Variants in DCAF8L2 observed in about 807,000 individuals in gnomAD.
DCAF8L2 encodes the protein DDB1- and CUL4-associated factor 8-like protein 2.
For synonymous variants in DCAF8L2, 200 were observed against 190.9 expected (o/e 1.05, Z -0.39); for missense variants, 430 against 490.7 (o/e 0.88, Z 1.17).
At chrX:27,731,370 C>T (rs1354512487) in intron 4 of DCAF8L2, among the ~76,000 whole-genome samples, 1 of 111,178 alleles carries the variant, frequency 9.0e-6, no homozygotes, top group Non-Finnish European at 1.9e-5. Context: ...CACTGCATTC[C>T]AACCTGGGCG....
At chrX:27,514,309 G>GTACCTATATGTGTGCATATGTGCACATA in the DCAF8L2 span, among the ~76,000 whole-genome samples, 1 of 95,848 alleles carries the variant, frequency 1.0e-5, no homozygotes, top group African/African-American at 3.7e-5. Context: ...GTGCACATAT[G>GTACCTATATGTGTGCATATGTGCACATA]TGTATATGGT....
chrX:27,535,524 C>G, the DCAF8L2 span, among the ~76,000 whole-genome samples: 1 of 111,690 alleles, frequency 9.0e-6, no homozygotes, highest in Non-Finnish European at 1.9e-5. Flanking sequence ...AGGAAAACCT[C>G]TAACACCTTG....
At chrX:27,653,761 C>CAA (rs1555924515) in intron 2 of DCAF8L2, among the ~76,000 whole-genome samples, 1,167 of 107,170 alleles carry the variant, frequency 0.011, 6 homozygotes, top group Non-Finnish European at 0.018. Flanking sequence ...CACACACACA[C>CAA]AACATATATT....
At chrX:27,537,254 A>T in the DCAF8L2 span, among the ~76,000 whole-genome samples, 1 of 112,329 alleles carries the variant, frequency 8.9e-6, no homozygotes, top group Non-Finnish European at 1.9e-5. Flanking sequence ...TAAAGAATAA[A>T]GTCTTCACTT....
chrX:27,519,263 A>G, the DCAF8L2 span: 4 of 992,545 alleles, frequency 4.0e-6, no homozygotes, highest in East Asian at 1.2e-4. Context: ...GAACAGACTC[A>G]AAAAGCTCTA....
the DCAF8L2 span, among the ~76,000 whole-genome samples, chrX:27,471,194 T>A: frequency 1.8e-5 from 2 of 112,216 alleles, no homozygotes; most frequent in Non-Finnish European, 3.8e-5. Context: ...TCATGTCTGA[T>A]ATAGTAAAAC....
the DCAF8L2 span, among the ~76,000 whole-genome samples, chrX:27,533,164 G>GAGGAAGAA: frequency 1.6e-3 from 27 of 17,353 alleles, no homozygotes; most frequent in Non-Finnish European, 3.1e-3. Context: ...GAGAGAGAGA[G>GAGGAAGAA]AGAAAGAAAG....
the DCAF8L2 span, among the ~76,000 whole-genome samples, chrX:27,499,413 C>G: frequency 8.9e-6 from 1 of 111,865 alleles, no homozygotes; most frequent in Admixed American, 9.5e-5. Flanking sequence ...CTTTTAAAGT[C>G]AGGTTATTTA....
At chrX:27,477,049 T>G in the DCAF8L2 span, among the ~76,000 whole-genome samples, 3 of 112,191 alleles carry the variant, frequency 2.7e-5, no homozygotes, top group Non-Finnish European at 5.6e-5. Context: ...TCATTACTTT[T>G]CAATTCCTAG....
intron 2 of DCAF8L2, among the ~76,000 whole-genome samples, chrX:27,647,123 A>G (rs779814368): frequency 8.9e-6 from 1 of 112,141 alleles, no homozygotes; most frequent in South Asian, 3.7e-4. Flanking sequence ...TGTTCATTGC[A>G]GCAGCATTCA....
At chrX:27,643,708 T>A (rs1033642685) in intron 2 of DCAF8L2, among the ~76,000 whole-genome samples, 3 of 111,899 alleles carry the variant, frequency 2.7e-5, no homozygotes, top group Non-Finnish European at 5.6e-5. Context: ...GTTGTGACTT[T>A]CCACACGGTT....
At chrX:27,615,741 C>T (rs1733580923) in intron 1 of DCAF8L2, among the ~76,000 whole-genome samples, 1 of 111,112 alleles carries the variant, frequency 9.0e-6, no homozygotes, top group Non-Finnish European at 1.9e-5. Context: ...ATCAGTGAAA[C>T]ATAGATCAGA....
chrX:27,668,751 G>A (rs12557919), intron 2 of DCAF8L2, among the ~76,000 whole-genome samples: 37,071 of 110,127 alleles, frequency 0.34, 4,991 homozygotes, highest in Middle Eastern at 0.47. Flanking sequence ...TCGGGAGTTC[G>A]AGACCAGCCT....
chrX:27,540,092 C>A, the DCAF8L2 span, among the ~76,000 whole-genome samples: 1 of 111,184 alleles, frequency 9.0e-6, no homozygotes, highest in African/African-American at 3.3e-5. Context: ...GATACCAGAA[C>A]TGACACTGAC....
In DCAF8L2 at chrX:27,749,828, TTCTC is replaced by T. The variant is rs1256962594; in HGVS notation, c.*1041_*1044del. On this transcript the variant is annotated 3_prime_UTR_variant, in exon 5 of 5. Transcript: ENST00000451261. ...TTTGACATCCTCACATTGCTTAAAATTCTCTCTGCTGTTTAAATTGCTTTAAAAA... is the reference window on the plus strand; with the variant it reads ...TTTGACATCCTCACATTGCTTAAAATTCTGCTGTTTAAATTGCTTTAAAAA... 8.9e-6 allele frequency among the ~76,000 whole-genome samples: 1 copy of T among 112,689 alleles called. No homozygotes were observed. Among genetic ancestry groups the T allele is most frequent in the Non-Finnish European group, 1.9e-5 (1 of 53,366 alleles).
the DCAF8L2 span, among the ~76,000 whole-genome samples, chrX:27,514,694 A>C: frequency 1.3e-5 from 1 of 75,925 alleles, no homozygotes; most frequent in African/African-American, 7.5e-5. Flanking sequence ...AAAAAAAAAA[A>C]ACAAAAAAAA....
intron 1 of DCAF8L2, among the ~76,000 whole-genome samples, chrX:27,595,327 A>C (rs1468655066): frequency 9.0e-6 from 1 of 111,538 alleles, no homozygotes; most frequent in East Asian, 2.8e-4. Flanking sequence ...AGCATGGCCA[A>C]CTCCAAACTC....
At chrX:27,575,694 G>C in the DCAF8L2 span, among the ~76,000 whole-genome samples, 7 of 112,482 alleles carry the variant, frequency 6.2e-5, no homozygotes, top group South Asian at 2.6e-3. Flanking sequence ...TGTAATGGGA[G>C]ATTTGGTTTC....
chrX:27,616,496 T>C (rs1222298299), intron 1 of DCAF8L2, among the ~76,000 whole-genome samples: 1 of 111,575 alleles, frequency 9.0e-6, no homozygotes, highest in Non-Finnish European at 1.9e-5. Context: ...CCAGTTATAT[T>C]CAAAAAAGAG....
Sources: allele counts gnomAD v4.1 joint callset (sites outside exome capture counted in the v4.1 genomes callset), GRCh38; gene constraint gnomAD v4.1.1; transcripts MANE v1.5; gene names NCBI Gene and HGNC (gene_info 2026-07-23, HGNC 2026-07-21).